The following SYT16 variants were observed in gnomAD, a reference collection of about 807,000 sequenced individuals.
SYT16 encodes synaptotagmin 16, also known as synaptotagmin-16.
SYT16 carries 42 observed loss-of-function variants against 61.4 expected under a neutral mutation model. The observed-to-expected ratio is 0.68, with a 90% CI of 0.53 to 0.89. The LOEUF is 0.89. Among genes scored for constraint, SYT16 ranks in the 40% least tolerant of loss-of-function variants. The pLI is 0.00. For synonymous variants in SYT16, 314 were observed against 302.3 expected (o/e 1.04, Z -0.40); for missense variants, 804 against 807.3 (o/e 1.00, Z 0.05).
At chr14:62,098,977 G>A (rs1005545086) in intron 7 of SYT16, among the ~76,000 whole-genome samples, 1 of 152,116 alleles carries the variant, frequency 6.6e-6, no homozygotes, top group African/African-American at 2.4e-5. Context: ...TGGGGAACAT[G>A]TACAGATGAG....
intron 1 of SYT16, among the ~76,000 whole-genome samples, chr14:61,861,776 G>T (rs1313264309): frequency 6.6e-6 from 1 of 152,134 alleles, no homozygotes; most frequent in Non-Finnish European, 1.5e-5. Context: ...TTGCAATAAA[G>T]CAAGTATCTC....
intron 3 of SYT16, among the ~76,000 whole-genome samples, chr14:62,060,828 C>T (rs556751296): frequency 7.2e-4 from 109 of 151,988 alleles, no homozygotes; most frequent in Non-Finnish European, 1.4e-3. Context: ...TAGGATTATG[C>T]TGGCCTCATA....
chr14:62,102,045 A>G lies in SYT16; in HGVS notation c.*1338A>G, dbSNP rs1362641436. 1 of 152,202 alleles carries G rather than the reference A, an allele frequency of 6.6e-6. No homozygotes were observed. Among genetic ancestry groups the G allele is most frequent in the Non-Finnish European group, 1.5e-5 (1 of 68,020 alleles). 9.4% of individuals were successfully genotyped at this position (152,202 alleles called of 1,614,324 possible). A position where few individuals can be genotyped will look rare whatever the true frequency, so the allele number is the denominator to read the frequency against. ...TAGGGAAAGAATGTATGTACATTTA[A>G]TCCCTGCGCTCAATGTGCAGCTCTT... is the stretch of plus-strand genomic sequence containing the variant. On this transcript the variant is annotated 3_prime_UTR_variant, in exon 8 of 8. Coordinates refer to ENST00000683842, the MANE Select transcript of SYT16 (RefSeq NM_001367656.1).
intron 3 of SYT16, among the ~76,000 whole-genome samples, chr14:62,027,885 G>A (rs1455623734): frequency 2.6e-5 from 4 of 152,106 alleles, no homozygotes; most frequent in Admixed American, 1.3e-4. Flanking sequence ...TTGTGCAGGC[G>A]GTGTATTTCT....
chr14:62,054,993 TA>T (rs544971294), intron 3 of SYT16, among the ~76,000 whole-genome samples: 4 of 152,020 alleles, frequency 2.6e-5, no homozygotes, highest in Non-Finnish European at 2.9e-5. Context: ...GCAATGAGAT[TA>T]AAAAAAATCT....
At chr14:62,051,697 G>A (rs924970232) in intron 3 of SYT16, among the ~76,000 whole-genome samples, 2 of 152,194 alleles carry the variant, frequency 1.3e-5, no homozygotes, top group African/African-American at 4.8e-5. Context: ...TTCACTGTAT[G>A]TATAGTCTTA....
chr14:62,079,879 C>G (rs1434791433), intron 5 of SYT16, among the ~76,000 whole-genome samples: 1 of 152,100 alleles, frequency 6.6e-6, no homozygotes, highest in African/African-American at 2.4e-5. Context: ...GGGTGACATT[C>G]CATAAAGAGG....
At chr14:61,907,188 T>C (rs916845681) in intron 1 of SYT16, among the ~76,000 whole-genome samples, 2 of 152,210 alleles carry the variant, frequency 1.3e-5, no homozygotes, top group African/African-American at 4.8e-5. Context: ...AAGTGCATCA[T>C]GAAAGTGGCT....
At chr14:62,062,294 T>C (rs191603770) in intron 3 of SYT16, among the ~76,000 whole-genome samples, 55 of 151,300 alleles carry the variant, frequency 3.6e-4, no homozygotes, top group Admixed American at 3.3e-4. Flanking sequence ...AGTTTCTCTA[T>C]TTGAGGGGGG....
At chr14:61,952,610 C>T (rs1378286097) in intron 1 of SYT16, among the ~76,000 whole-genome samples, 1 of 152,174 alleles carries the variant, frequency 6.6e-6, no homozygotes, top group Non-Finnish European at 1.5e-5. Context: ...GGACTTATTT[C>T]AACACACATA....
chr14:62,092,988 G>A lies in SYT16; in HGVS notation c.1625-7406G>A, dbSNP rs547408996. Among the ~76,000 whole-genome samples, 27 of 152,152 alleles carry A rather than the reference G, an allele frequency of 1.8e-4. No homozygotes were observed. The South Asian group carries it at 3.7e-3, about 21-fold the overall frequency. The stretch of plus-strand genomic sequence containing the variant: ...TGAGTAAGAAATATGACAGCTGGAT[G>A]TTTAGACTGATGTTGCTTCAAGGAA... On this transcript the variant is annotated intron_variant, in intron 7 of 7. Coordinates refer to ENST00000683842, the MANE Select transcript of SYT16 (RefSeq NM_001367656.1).
intron 2 of SYT16, among the ~76,000 whole-genome samples, chr14:61,994,998 T>C (rs1266338322): frequency 1.3e-5 from 2 of 152,188 alleles, no homozygotes; most frequent in Non-Finnish European, 2.9e-5. Flanking sequence ...CTCTAGTCAT[T>C]TGTAACGTTC....
chr14:61,859,652 C>T (rs774410330), intron 1 of SYT16, among the ~76,000 whole-genome samples: 7 of 151,884 alleles, frequency 4.6e-5, no homozygotes, highest in Non-Finnish European at 1.0e-4. Context: ...AAATGGTGAG[C>T]CCCTGGATAT....
intron 5 of SYT16, 56 bp from the exon 6 acceptor site, chr14:62,080,778 A>G: frequency 3.3e-6 from 5 of 1,531,634 alleles, no homozygotes; most frequent in Non-Finnish European, 4.4e-6. Context: ...CAACTGGCCA[A>G]AATGTAATTG....
At chr14:62,052,258 G>A (rs2055338979) in intron 3 of SYT16, among the ~76,000 whole-genome samples, 1 of 152,038 alleles carries the variant, frequency 6.6e-6, no homozygotes, top group Admixed American at 6.5e-5. Context: ...ACAAATGTAT[G>A]ATATGTGATG....
intron 4 of SYT16, among the ~76,000 whole-genome samples, chr14:62,073,145 T>C (rs955495185): frequency 2.0e-5 from 3 of 152,224 alleles, no homozygotes; most frequent in African/African-American, 7.2e-5. Context: ...AAATGGTTTG[T>C]TACATTAATA....
At chr14:62,019,453 AG>A (rs2053832340) in intron 3 of SYT16, among the ~76,000 whole-genome samples, 1 of 152,224 alleles carries the variant, frequency 6.6e-6, no homozygotes, top group Non-Finnish European at 1.5e-5. Context: ...CTGTGGGAAC[AG>A]GTAGAGGCTC....
chr14:62,024,002 GTGTCTTTAAAATA>G (rs2054008514), intron 3 of SYT16, among the ~76,000 whole-genome samples: 1 of 152,060 alleles, frequency 6.6e-6, no homozygotes, highest in Non-Finnish European at 1.5e-5. Flanking sequence ...GGAAGAAATG[GTGTCTTTAAAATA>G]TGCCTTTCCA....
intron 2 of SYT16, among the ~76,000 whole-genome samples, chr14:61,976,863 C>T (rs1473914020): frequency 6.6e-6 from 1 of 151,982 alleles, no homozygotes; most frequent in Non-Finnish European, 1.5e-5. Flanking sequence ...AATTTCTGCC[C>T]AGAAAATGTT....
Sources: allele counts gnomAD v4.1 joint callset (sites outside exome capture counted in the v4.1 genomes callset), GRCh38; gene constraint gnomAD v4.1.1; transcripts MANE v1.5; gene names NCBI Gene and HGNC (gene_info 2026-07-23, HGNC 2026-07-21).